Variants in FRAS1 observed in about 807,000 individuals in gnomAD.
The protein encoded by FRAS1 is Fraser extracellular matrix complex subunit 1.
A neutral mutation model predicts 435.2 loss-of-function variants in FRAS1; 290 were observed. That is an observed-to-expected ratio of 0.67 (90% confidence interval 0.61 to 0.73). FRAS1 has a LOEUF of 0.73. Ranked by LOEUF, FRAS1 falls within the 30% of genes least tolerant of loss-of-function variation. The pLI is 0.00. For synonymous variants in FRAS1, 1,800 were observed against 1,851.0 expected (o/e 0.97, Z 0.71); for missense variants, 4,860 against 5,001.5 (o/e 0.97, Z 0.85).
chr4:78,502,217 A>G (rs1273417850), intron 61 of FRAS1, among the ~76,000 whole-genome samples: 1 of 152,208 alleles, frequency 6.6e-6, no homozygotes, highest in Non-Finnish European at 1.5e-5. Flanking sequence ...TTTTGGCTCC[A>G]TATGAAATTT....
At chr4:78,092,057 T>C (rs1741555963) in intron 2 of FRAS1, among the ~76,000 whole-genome samples, 1 of 148,344 alleles carries the variant, frequency 6.7e-6, no homozygotes, top group African/African-American at 2.5e-5. Flanking sequence ...GGCTTGGAGG[T>C]AAGACCTTCC....
At chr4:78,345,467 G>A (rs1730570266) in intron 20 of FRAS1, among the ~76,000 whole-genome samples, 1 of 151,984 alleles carries the variant, frequency 6.6e-6, no homozygotes, top group East Asian at 1.9e-4. Flanking sequence ...TCATATTTTG[G>A]TTCTTATCTC....
chr4:78,452,005 G>A, intron 46 of FRAS1, 114 bp downstream of exon 46: 1 of 1,303,190 alleles, frequency 7.7e-7, no homozygotes, highest in Non-Finnish European at 1.1e-6. Flanking sequence ...AGCTGGTGTG[G>A]AAACTGAAAA....
At chr4:78,302,704 T>C (rs1426172539) in intron 14 of FRAS1, among the ~76,000 whole-genome samples, 2 of 137,174 alleles carry the variant, frequency 1.5e-5, no homozygotes. Context: ...ATGGGGTTGT[T>C]TGTTTTTTTT....
intron 58 of FRAS1, 51 bp downstream of exon 58, chr4:78,482,586 T>A: frequency 6.4e-7 from 1 of 1,564,016 alleles, no homozygotes; most frequent in Non-Finnish European, 8.7e-7. Context: ...TTCTATTTTT[T>A]CTTTAACGTC....
chr4:78,291,878 C>T (rs565465175), intron 14 of FRAS1, among the ~76,000 whole-genome samples: 1 of 152,272 alleles, frequency 6.6e-6, no homozygotes, highest in East Asian at 1.9e-4. Context: ...GAACATTTTA[C>T]AGGATTATAA....
At chr4:78,501,707 T>C (rs1720687055) in intron 61 of FRAS1, among the ~76,000 whole-genome samples, 1 of 152,190 alleles carries the variant, frequency 6.6e-6, no homozygotes, top group African/African-American at 2.4e-5. Flanking sequence ...TGCATTTCTC[T>C]GATGACCGAT....
In FRAS1 at chr4:78,515,902, C is replaced by T. The variant is rs34678339; in HGVS notation, c.10278C>T (p.Ile3426=). 1.8e-3 allele frequency: 2,954 copies of T among 1,613,992 alleles called. 52 individuals carry two copies. The African/African-American group carries it at 0.034, about 19-fold the overall frequency. The change falls in exon 66 of 74, where the codon ATC becomes ATT. Residue 3426 remains isoleucine (I), a synonymous_variant. Transcript: ENST00000512123. ...CCAGCGTGCGAGAGCCGAAGACCAT[C>T]CAGCTCTACAAACACCTGAACCTGA... ...FDPSVREPKT[I]QLYKHLNLKS...
At chr4:78,364,152 T>C in intron 22 of FRAS1, 98 bp downstream of exon 22, 1 of 1,307,034 alleles carries the variant, frequency 7.7e-7, no homozygotes, top group Non-Finnish European at 1.0e-6. Flanking sequence ...TCTTCTCACC[T>C]GGTAGCCTTT....
intron 21 of FRAS1, 102 bp downstream of exon 21, chr4:78,363,767 A>G: frequency 6.9e-7 from 1 of 1,439,470 alleles, no homozygotes; most frequent in East Asian, 2.5e-5. Flanking sequence ...TGGAGGCAGG[A>G]AGTGTAAACC....
intron 26 of FRAS1, 90 bp downstream of exon 26, chr4:78,375,969 T>C: frequency 7.0e-7 from 1 of 1,419,402 alleles, no homozygotes; most frequent in South Asian, 1.2e-5. Context: ...ACTTATGTGA[T>C]ATAAAATGCA....
At chr4:78,397,322 T>C (rs1732711039) in intron 29 of FRAS1, among the ~76,000 whole-genome samples, 1 of 152,190 alleles carries the variant, frequency 6.6e-6, no homozygotes, top group African/African-American at 2.4e-5. Flanking sequence ...CTTCTCTTGA[T>C]CCTGCACCAT....
intron 47 of FRAS1, among the ~76,000 whole-genome samples, chr4:78,459,304 A>C (rs562294163): frequency 3.9e-5 from 6 of 152,252 alleles, no homozygotes; most frequent in African/African-American, 1.2e-4. Context: ...AGTAGCTGCT[A>C]CAAGAGAATA....
chr4:78,374,587 A>G (rs1731682349), intron 25 of FRAS1, among the ~76,000 whole-genome samples: 1 of 152,236 alleles, frequency 6.6e-6, no homozygotes, highest in Non-Finnish European at 1.5e-5. Context: ...TAGACATAGA[A>G]TTTTTAGTGT....
chr4:78,345,113 T>G (rs445071), intron 20 of FRAS1, among the ~76,000 whole-genome samples: 25,892 of 152,196 alleles, frequency 0.17, 2,892 homozygotes, highest in African/African-American at 0.32. Context: ...TAGTTTTACT[T>G]GTTGGTCCAT....
intron 13 of FRAS1, among the ~76,000 whole-genome samples, chr4:78,286,035 A>G (rs1727577333): frequency 6.6e-6 from 1 of 151,648 alleles, no homozygotes; most frequent in Non-Finnish European, 1.5e-5. Flanking sequence ...ATTGGGGGCT[A>G]TTGGATAAGA....
At chr4:78,278,834 A>G in intron 10 of FRAS1, 90 bp downstream of exon 10, 5 of 800,062 alleles carry the variant, frequency 6.2e-6, no homozygotes, top group South Asian at 3.1e-5. Flanking sequence ...TCTTTTGCCC[A>G]TTCATTTGTT....
intron 15 of FRAS1, among the ~76,000 whole-genome samples, chr4:78,308,637 A>G (rs1321078625): frequency 6.6e-6 from 1 of 152,220 alleles, no homozygotes; most frequent in African/African-American, 2.4e-5. Flanking sequence ...TGTTGGTGCC[A>G]CTGACTTAAA....
At chr4:78,339,433 A>G (rs1246663299) in intron 20 of FRAS1, among the ~76,000 whole-genome samples, 3 of 152,234 alleles carry the variant, frequency 2.0e-5, no homozygotes, top group Non-Finnish European at 2.9e-5. Flanking sequence ...AATGGTACAA[A>G]GCAATTTAGG....
Sources: gnomAD v4.1 joint callset for allele counts (sites outside exome capture counted in the v4.1 genomes callset) on GRCh38, gnomAD v4.1.1 for gene constraint, MANE v1.5 for transcripts, NCBI Gene and HGNC (gene_info 2026-07-23, HGNC 2026-07-21) for gene names.